Variants in FGGY observed in about 807,000 individuals in gnomAD.
FGGY encodes the protein FGGY carbohydrate kinase domain-containing protein.
A neutral mutation model predicts 71.3 loss-of-function variants in FGGY; 72 were observed. The observed-to-expected ratio is 1.01, with a 90% CI of 0.84 to 1.23. The LOEUF (loss-of-function observed/expected upper bound fraction) is 1.23. Ranked by LOEUF, FGGY falls within the 50% of genes most tolerant of loss-of-function variation. FGGY has a pLI of 0.00. For synonymous variants in FGGY, 251 were observed against 250.3 expected (o/e 1.00, Z -0.02); for missense variants, 668 against 682.3 (o/e 0.98, Z 0.23).
intron 8 of FGGY, among the ~76,000 whole-genome samples, chr1:59,572,060 G>A (rs2153735226): frequency 6.6e-6 from 1 of 152,296 alleles, no homozygotes; most frequent in East Asian, 1.9e-4. Flanking sequence ...ACTAGCATTT[G>A]CTTCTGAAGG....
Position 59,467,407 on chromosome 1 carries a change from T to C in FGGY, c.670+10331T>C, listed in dbSNP as rs148506430. Reference sequence around the variant, plus strand: ...ATAAATATCTAATGTAAATGACAAGTTAATGGGTGCAGCAAACCAACATGG... The same window carrying C: ...ATAAATATCTAATGTAAATGACAAGCTAATGGGTGCAGCAAACCAACATGG... On this transcript the variant is annotated intron_variant, in intron 6 of 15. Transcript: ENST00000303721. Among the ~76,000 whole-genome samples, 582 of 152,156 alleles carry C rather than the reference T, an allele frequency of 3.8e-3. 6 individuals carry two copies. The highest frequency in any genetic ancestry group is 0.013 in the African/African-American group (557 of 41,482).
chr1:59,751,996 A>T lies in FGGY; in HGVS notation c.1513-5935A>T, dbSNP rs567067703. Among the ~76,000 whole-genome samples the T allele has an allele frequency of 2.0e-5, 3 of 152,346 alleles. No homozygotes were observed. In the South Asian group the frequency reaches 6.2e-4, roughly 32 times the overall value. On this transcript the variant is annotated intron_variant, in intron 14 of 15. Coordinates refer to ENST00000303721, the MANE Select transcript of FGGY (RefSeq NM_018291.5). ...ACATATAAGGGAGTGCCATAGGGCC[A>T]TCCCTGGAGTTGGAGAGCTCCCACT...
intron 6 of FGGY, among the ~76,000 whole-genome samples, chr1:59,493,751 A>G (rs1017695697): frequency 2.0e-5 from 3 of 152,210 alleles, no homozygotes; most frequent in African/African-American, 7.2e-5. Context: ...TGTACTTAAT[A>G]CAACTGAATT....
chr1:59,547,175 A>C (rs1317949143), intron 7 of FGGY, among the ~76,000 whole-genome samples: 1 of 140,526 alleles, frequency 7.1e-6, no homozygotes, highest in Non-Finnish European at 1.6e-5. Flanking sequence ...CTGGTCTTGA[A>C]CTCCTGACCT....
chr1:59,337,463 C>G (rs1022520370), intron 2 of FGGY, among the ~76,000 whole-genome samples: 2 of 152,126 alleles, frequency 1.3e-5, no homozygotes, highest in Non-Finnish European at 1.5e-5. Flanking sequence ...CTCTTCCTCT[C>G]CCAGTCCACT....
At chr1:59,523,091 C>A (rs2094881140) in intron 7 of FGGY, among the ~76,000 whole-genome samples, 1 of 152,162 alleles carries the variant, frequency 6.6e-6, no homozygotes, top group Non-Finnish European at 1.5e-5. Context: ...AACAAAAAAA[C>A]ACACAGTAAT....
At chr1:59,697,484 A>G (rs896347066) in intron 14 of FGGY, among the ~76,000 whole-genome samples, 4 of 152,222 alleles carry the variant, frequency 2.6e-5, no homozygotes, top group African/African-American at 7.2e-5. Context: ...TGCATTTAGC[A>G]TAATGTTCTC....
chr1:59,493,255 A>G (rs751026606), intron 6 of FGGY, among the ~76,000 whole-genome samples: 7 of 152,170 alleles, frequency 4.6e-5, no homozygotes, highest in South Asian at 2.1e-4. Flanking sequence ...GTTACAAACA[A>G]TATTACCATA....
intron 6 of FGGY, among the ~76,000 whole-genome samples, chr1:59,501,742 C>T (rs1381284899): frequency 1.3e-5 from 2 of 152,180 alleles, no homozygotes; most frequent in African/African-American, 4.8e-5. Context: ...TAGGGAGAAA[C>T]TTTTTGTGCT....
intron 6 of FGGY, among the ~76,000 whole-genome samples, chr1:59,497,392 G>A (rs1195102691): frequency 6.6e-6 from 1 of 152,184 alleles, no homozygotes; most frequent in African/African-American, 2.4e-5. Context: ...TTTGAGACCA[G>A]CCTGGCCAAC....
intron 9 of FGGY, among the ~76,000 whole-genome samples, chr1:59,619,593 A>C (rs1408500530): frequency 6.6e-6 from 1 of 152,054 alleles, no homozygotes; most frequent in African/African-American, 2.4e-5. Flanking sequence ...TATTATGGGA[A>C]TAGCAACAAG....
At chr1:59,511,448 G>A in intron 6 of FGGY, among the ~76,000 whole-genome samples, 1 of 150,264 alleles carries the variant, frequency 6.7e-6, no homozygotes, top group Non-Finnish European at 1.5e-5. Flanking sequence ...AGAATCCTTG[G>A]GGGATGAGAG....
intron 1 of FGGY, among the ~76,000 whole-genome samples, chr1:59,317,217 A>G (rs761964240): frequency 2.6e-5 from 4 of 152,200 alleles, no homozygotes; most frequent in Non-Finnish European, 4.4e-5. Flanking sequence ...TTCTTATTGA[A>G]GAAGTAATCA....
intron 5 of FGGY, among the ~76,000 whole-genome samples, chr1:59,441,398 G>A (rs1261547674): frequency 6.6e-6 from 1 of 152,180 alleles, no homozygotes; most frequent in African/African-American, 2.4e-5. Context: ...ACTTGAGCAG[G>A]CTGAACTGGG....
intron 5 of FGGY, among the ~76,000 whole-genome samples, chr1:59,443,672 T>C (rs969766608): frequency 6.6e-6 from 1 of 152,228 alleles, no homozygotes; most frequent in Admixed American, 6.5e-5. Flanking sequence ...GTCCTGTAAT[T>C]GGATAGGCCA....
At chr1:59,325,075 G>C (rs1050244175) in intron 2 of FGGY, among the ~76,000 whole-genome samples, 1 of 152,066 alleles carries the variant, frequency 6.6e-6, no homozygotes, top group African/African-American at 2.4e-5. Context: ...AAGCTTAGGC[G>C]GGGCGTGTTG....
At position 59,736,591 on chromosome 1, in the gene FGGY, C is replaced by T. The variant is rs566531441; in HGVS notation, c.1513-21340C>T. Among the ~76,000 whole-genome samples, 6 of 152,114 alleles carry T rather than the reference C, an allele frequency of 3.9e-5. No individual in the cohort carries two copies. The South Asian group carries it at 1.2e-3, about 32-fold the overall frequency. On this transcript the variant is annotated intron_variant, in intron 14 of 15. Transcript: ENST00000303721. ...GAGACTAGCGGCATTTTGCCCAAGCCCTAGATATTTATGGAACTTTGAACT... is the reference window on the plus strand; with the variant it reads ...GAGACTAGCGGCATTTTGCCCAAGCTCTAGATATTTATGGAACTTTGAACT...
chr1:59,310,310 G>A (rs1304469242), intron 1 of FGGY: 2 of 152,154 alleles, frequency 1.3e-5, no homozygotes, highest in African/African-American at 4.8e-5. Context: ...AGTTAATTAT[G>A]TCAGCAAATC....
chr1:59,612,979 G>T (rs561126693), intron 9 of FGGY, among the ~76,000 whole-genome samples: 1 of 152,180 alleles, frequency 6.6e-6, no homozygotes, highest in Non-Finnish European at 1.5e-5. Context: ...CAATACAGGA[G>T]CACCCAGATT....
Sources: allele counts gnomAD v4.1 joint callset (sites outside exome capture counted in the v4.1 genomes callset), GRCh38; gene constraint gnomAD v4.1.1; transcripts MANE v1.5; gene names NCBI Gene and HGNC (gene_info 2026-07-23, HGNC 2026-07-21).